COL25A1: variants seen among roughly 807,000 people sequenced by gnomAD.
COL25A1 encodes collagen type XXV alpha 1 chain, also known as collagen alpha-1(XXV) chain.
Under a neutral mutation model 128.4 loss-of-function variants are expected in COL25A1, and 103 were observed. The observed-to-expected ratio is 0.80, with a 90% CI of 0.68 to 0.94. COL25A1 has a LOEUF of 0.94. Among genes scored for constraint, COL25A1 ranks in the 40% least tolerant of loss-of-function variants. The pLI, the probability that COL25A1 is intolerant of heterozygous loss-of-function variation, is 0.00. For synonymous variants in COL25A1, 279 were observed against 277.2 expected, an observed-to-expected ratio of 1.01 and a Z score of -0.06; for missense variants, 745 against 840.0, an observed-to-expected ratio of 0.89 and a Z score of 1.40.
intron 3 of COL25A1, among the ~76,000 whole-genome samples, chr4:109,265,826 A>C (rs1444955942): frequency 6.6e-6 from 1 of 152,200 alleles, no homozygotes; most frequent in African/African-American, 2.4e-5. Context: ...GCAACCTAAC[A>C]AAATGGAAAG....
In COL25A1 at chr4:108,809,142, C is replaced by G. The variant is rs1014767252; in HGVS notation, c.*4785G>C. On this transcript the variant is annotated 3_prime_UTR_variant, in exon 38 of 38. Transcript: ENST00000399132. ...GAATAATCAATTGTATGAGACTGGC[C>G]CACAAACATTTAAAAAAATATGCAG... 1 of 151,660 alleles carries G rather than the reference C, an allele frequency of 6.6e-6. No homozygotes were observed. Among genetic ancestry groups the G allele is most frequent in the African/African-American group, 2.4e-5 (1 of 41,284 alleles). The allele number at this position is 151,660 out of a possible 1,614,324, so 9.4% of individuals were successfully genotyped here.
chr4:109,122,824 A>T (rs1662978236), intron 3 of COL25A1, among the ~76,000 whole-genome samples: 1 of 152,132 alleles, frequency 6.6e-6, no homozygotes, highest in South Asian at 2.1e-4. Flanking sequence ...ATATGGAACC[A>T]TGAACATAGA....
chr4:108,869,994 T>C (rs1410533012), intron 19 of COL25A1, among the ~76,000 whole-genome samples: 1 of 152,206 alleles, frequency 6.6e-6, no homozygotes, highest in Non-Finnish European at 1.5e-5. Context: ...GGCTCACACC[T>C]GTAATCCCAG....
intron 3 of COL25A1, among the ~76,000 whole-genome samples, chr4:109,182,569 A>ATAGG (rs1276897565): frequency 2.0e-5 from 3 of 152,304 alleles, no homozygotes; most frequent in African/African-American, 7.2e-5. Context: ...CTTCTGGTGA[A>ATAGG]TAGGTACTCT....
chr4:109,064,154 A>G (rs571026576), intron 3 of COL25A1, among the ~76,000 whole-genome samples: 1 of 152,336 alleles, frequency 6.6e-6, no homozygotes, highest in South Asian at 2.1e-4. Flanking sequence ...CATATATTGG[A>G]TAGATTAAAC....
intron 3 of COL25A1, among the ~76,000 whole-genome samples, chr4:109,155,668 T>C (rs574746014): frequency 2.0e-5 from 3 of 152,340 alleles, no homozygotes; most frequent in African/African-American, 7.2e-5. Flanking sequence ...GCTATGATGT[T>C]CAAAATAAAT....
chr4:108,955,699 C>T (rs1222831028), intron 8 of COL25A1, among the ~76,000 whole-genome samples: 1 of 152,022 alleles, frequency 6.6e-6, no homozygotes, highest in African/African-American at 2.4e-5. Context: ...GAGTATATTC[C>T]GTTAGATTCA....
chr4:108,986,543 A>C (rs1753686420), intron 6 of COL25A1, among the ~76,000 whole-genome samples: 1 of 152,232 alleles, frequency 6.6e-6, no homozygotes, highest in Non-Finnish European at 1.5e-5. Context: ...TAATACCAAA[A>C]GGAAGTAATT....
At chr4:109,265,960 T>A (rs1224382816) in intron 3 of COL25A1, among the ~76,000 whole-genome samples, 1 of 152,160 alleles carries the variant, frequency 6.6e-6, no homozygotes, top group African/African-American at 2.4e-5. Flanking sequence ...ATAGCCCTTC[T>A]CTTTTCTCAG....
intron 31 of COL25A1, among the ~76,000 whole-genome samples, chr4:108,835,913 C>T (rs1733752390): frequency 8.7e-6 from 1 of 114,920 alleles, no homozygotes; most frequent in Admixed American, 1.2e-4. Flanking sequence ...GCTCTGTTGC[C>T]CGGGCTGGAG....
intron 8 of COL25A1, among the ~76,000 whole-genome samples, chr4:108,956,665 C>T (rs1750107805): frequency 6.6e-6 from 1 of 152,214 alleles, no homozygotes; most frequent in Admixed American, 6.5e-5. Flanking sequence ...TTTGGCCTCC[C>T]AAAGTGCTGG....
intron 3 of COL25A1, among the ~76,000 whole-genome samples, chr4:109,128,398 A>G (rs3108959): frequency 0.58 from 88,085 of 152,062 alleles, 27,866 homozygotes; most frequent in African/African-American, 0.82. Context: ...TTTGCTTCCC[A>G]AACCTATCAC....
intron 3 of COL25A1, among the ~76,000 whole-genome samples, chr4:109,276,411 CAAAA>C (rs201350321): frequency 1.1e-5 from 1 of 93,346 alleles, no homozygotes; most frequent in Non-Finnish European, 2.2e-5. Flanking sequence ...GACTCTGTCT[CAAAA>C]AAAAAAAAAA....
chr4:109,069,628 C>T lies in COL25A1; in HGVS notation c.368-19449G>A, dbSNP rs74418965. ...CTGAAGTCAAAAGCTGAATGGCAAACATTTGTGACTACATCTAAAAGGAAG... is the reference window on the plus strand; with the variant it reads ...CTGAAGTCAAAAGCTGAATGGCAAATATTTGTGACTACATCTAAAAGGAAG... On this transcript the variant is annotated intron_variant, in intron 3 of 37. Transcript: ENST00000399132. 7.5e-3 allele frequency among the ~76,000 whole-genome samples: 1,149 copies of T among 152,274 alleles called. 38 individuals are homozygous for T. The East Asian group carries it at 0.081, about 11-fold the overall frequency.
At chr4:108,844,685 T>A in intron 29 of COL25A1, 116 bp from the exon 30 acceptor site, 1 of 1,339,592 alleles carries the variant, frequency 7.5e-7, no homozygotes, top group Non-Finnish European at 1.0e-6. Flanking sequence ...GGAAGAAAGA[T>A]ACTAGAATAA....
chr4:108,849,540 T>C (rs1242721109), intron 26 of COL25A1, among the ~76,000 whole-genome samples: 1 of 152,196 alleles, frequency 6.6e-6, no homozygotes, highest in Non-Finnish European at 1.5e-5. Flanking sequence ...ATTTATACAA[T>C]ACGCCAGAAA....
chr4:109,203,468 G>A (rs1025236767), intron 3 of COL25A1, among the ~76,000 whole-genome samples: 2 of 151,830 alleles, frequency 1.3e-5, no homozygotes, highest in African/African-American at 4.8e-5. Context: ...AGAAGAAATG[G>A]GACCCAGGAA....
chr4:108,862,658 T>A (rs1332616632), intron 21 of COL25A1, 113 bp from the exon 22 acceptor site: 1 of 825,468 alleles, frequency 1.2e-6, no homozygotes, highest in East Asian at 2.4e-5. Context: ...AACACTTTAT[T>A]TTAACTGCCT....
chr4:108,946,810 T>A (rs934120123), intron 8 of COL25A1, among the ~76,000 whole-genome samples: 14 of 151,898 alleles, frequency 9.2e-5, no homozygotes, highest in African/African-American at 3.4e-4. Context: ...ACAGGAAGAG[T>A]AAAACTGAAG....
Sources: allele counts gnomAD v4.1 joint callset (sites outside exome capture counted in the v4.1 genomes callset), GRCh38; gene constraint gnomAD v4.1.1; transcripts MANE v1.5; gene names NCBI Gene and HGNC (gene_info 2026-07-23, HGNC 2026-07-21).